SWT1: variants seen among roughly 807,000 people sequenced by gnomAD.
SWT1 encodes SWT1 RNA endoribonuclease homolog.
In SWT1, 33 loss-of-function variants were observed where a neutral mutation model predicts 107.3. The ratio of observed to expected loss-of-function variants is 0.31; its 90% CI spans 0.23 to 0.41. SWT1 has a LOEUF of 0.41. SWT1 is among the 10% of genes least tolerant of loss of function. The pLI is 1.00. For synonymous variants in SWT1, 345 were observed against 348.3 expected (o/e 0.99, Z 0.11); for missense variants, 898 against 1,028.9 (o/e 0.87, Z 1.74).
At chr1:185,278,422 C>T (rs976065813) in intron 18 of SWT1, among the ~76,000 whole-genome samples, 2 of 152,182 alleles carry the variant, frequency 1.3e-5, no homozygotes, top group Non-Finnish European at 2.9e-5. Context: ...GCCTCCAGAA[C>T]TGTGAGAAAT....
rs1443241187 is a variant in SWT1, at chr1:185,229,772, TTTAAA to T, written c.2310-1800_2310-1796del. 3.3e-5 allele frequency among the ~76,000 whole-genome samples: 5 copies of T among 152,294 alleles called. No homozygotes were observed. The South Asian group carries it at 6.2e-4, about 19-fold the overall frequency. Reference sequence around the variant, plus strand: ...CTCTTTTTACATTCTCTTTTTAGGCTTTAAATTAAGAAAATTTTTTTTAAATGTAA... The same window carrying T: ...CTCTTTTTACATTCTCTTTTTAGGCTTTAAGAAAATTTTTTTTAAATGTAA... On this transcript the variant is annotated intron_variant, in intron 15 of 18. Transcript: ENST00000367500.
In SWT1 at chr1:185,166,766, G is replaced by A. The variant is rs568796009; in HGVS notation, c.165+114G>A. The A allele has an allele frequency of 1.5e-5, 10 of 668,634 alleles. No individual in the cohort carries two copies. In the South Asian group the frequency reaches 2.2e-4, roughly 14 times the overall value. 41.4% of individuals were successfully genotyped at this position (668,634 alleles called of 1,614,324 possible). A position where few individuals can be genotyped will look rare whatever the true frequency, so the allele number is the denominator to read the frequency against. ...TGATAGCCAATAGAAAGTCAGTGTT[G>A]TTTTCTTTCTTCTACTCACCAAACC... On this transcript the variant is annotated intron_variant, in intron 3 of 18. Coordinates refer to ENST00000367500, the MANE Select transcript of SWT1 (RefSeq NM_017673.7).
At position 185,183,317 on chromosome 1, in the gene SWT1, C is replaced by T. The variant is rs1363057692; in HGVS notation, c.1139-926C>T. On this transcript the variant is annotated intron_variant, in intron 7 of 18. Coordinates refer to ENST00000367500, the MANE Select transcript of SWT1 (RefSeq NM_017673.7). ...TTCTTTTGTTTTTGTTTTTTTGAGA[C>T]GGAGTGTCCTTCTGTCATCCAGGCT... Among the ~76,000 whole-genome samples, 4 of 151,610 alleles carry T rather than the reference C, an allele frequency of 2.6e-5. No homozygotes were observed. In the South Asian group the frequency reaches 6.3e-4, roughly 24 times the overall value.
intron 2 of SWT1, among the ~76,000 whole-genome samples, chr1:185,163,770 C>G (rs942048624): frequency 6.6e-6 from 1 of 152,146 alleles, no homozygotes; most frequent in African/African-American, 2.4e-5. Flanking sequence ...AGTTCTCTTG[C>G]AGTTATTTTC....
intron 9 of SWT1, among the ~76,000 whole-genome samples, chr1:185,190,013 A>G (rs1022907997): frequency 6.6e-6 from 1 of 151,866 alleles, no homozygotes; most frequent in Non-Finnish European, 1.5e-5. Flanking sequence ...ATGCCTGGCT[A>G]ATTTTTGTAT....
At chr1:185,207,192 GT>G (rs1159493149) in intron 13 of SWT1, among the ~76,000 whole-genome samples, 1 of 152,158 alleles carries the variant, frequency 6.6e-6, no homozygotes, top group Non-Finnish European at 1.5e-5. Context: ...GTGTGTCAAG[GT>G]TTCTATTTAA....
intron 16 of SWT1, among the ~76,000 whole-genome samples, chr1:185,259,249 G>T (rs1662849246): frequency 6.6e-6 from 1 of 152,098 alleles, no homozygotes; most frequent in Non-Finnish European, 1.5e-5. Context: ...TTTAAAGACA[G>T]ACTGGCCTGG....
Position 185,164,625 on chromosome 1 carries a change from C to G in SWT1, c.85-1947C>G, listed in dbSNP as rs760359790. Among the ~76,000 whole-genome samples, 32 of 152,308 alleles carry G rather than the reference C, an allele frequency of 2.1e-4. No homozygotes were observed. The Middle Eastern group carries it at 0.02, about 97-fold the overall frequency. Reference sequence around the variant, plus strand: ...TTATGTTACAGAGATGGCTTCATTCCTTAAACCTCATGAACCAACCTCTCT... The same window carrying G: ...TTATGTTACAGAGATGGCTTCATTCGTTAAACCTCATGAACCAACCTCTCT... On this transcript the variant is annotated intron_variant, in intron 2 of 18. Coordinates refer to ENST00000367500, the MANE Select transcript of SWT1 (RefSeq NM_017673.7).
At chr1:185,172,507 T>G (rs999083255) in intron 4 of SWT1, among the ~76,000 whole-genome samples, 7 of 152,236 alleles carry the variant, frequency 4.6e-5, no homozygotes, top group Non-Finnish European at 7.3e-5. Flanking sequence ...CTATTATAAG[T>G]AATCCTGAAT....
intron 17 of SWT1, among the ~76,000 whole-genome samples, chr1:185,275,063 G>A (rs550502802): frequency 6.6e-6 from 1 of 152,218 alleles, no homozygotes; most frequent in African/African-American, 2.4e-5. Flanking sequence ...AGAGATAAAT[G>A]TAGATACTTA....
intron 5 of SWT1, among the ~76,000 whole-genome samples, chr1:185,175,832 T>C (rs1055161485): frequency 6.6e-6 from 1 of 152,180 alleles, no homozygotes; most frequent in Non-Finnish European, 1.5e-5. Flanking sequence ...TAAAATAGCT[T>C]GTAAGAGATA....
rs749781282 is a variant in SWT1 at position 185,290,845 on chromosome 1, G to A, written c.*42G>A. 7 of 1,556,880 alleles carry A rather than the reference G, an allele frequency of 4.5e-6. 1 individual carries two copies. The South Asian group carries it at 8.2e-5, about 18-fold the overall frequency. On this transcript the variant is annotated 3_prime_UTR_variant, in exon 19 of 19. Transcript: ENST00000367500. Reference sequence around the variant, plus strand: ...TTAAAGGAATTGCATTTGTCCTTAAGAATAACAGAGTAGTTTTCAATCTGG... The same window carrying A: ...TTAAAGGAATTGCATTTGTCCTTAAAAATAACAGAGTAGTTTTCAATCTGG...
chr1:185,272,575 G>A (rs1663947684), intron 17 of SWT1, among the ~76,000 whole-genome samples: 1 of 152,084 alleles, frequency 6.6e-6, no homozygotes, highest in African/African-American at 2.4e-5. Context: ...TTAAATGTTG[G>A]TTCTTCTACT....
intron 16 of SWT1, among the ~76,000 whole-genome samples, chr1:185,255,681 C>A (rs10911697): frequency 1.6e-5 from 2 of 122,374 alleles, no homozygotes; most frequent in East Asian, 5.2e-4. Flanking sequence ...TGTCTCTGCA[C>A]GTGAGATGGG....
intron 16 of SWT1, among the ~76,000 whole-genome samples, chr1:185,245,542 C>T (rs893801621): frequency 1.3e-5 from 2 of 151,988 alleles, no homozygotes; most frequent in Non-Finnish European, 2.9e-5. Context: ...ATAGTAAATA[C>T]AGAAAAGAAC....
In SWT1 at chr1:185,206,687, G is replaced by T; in HGVS notation, c.1896G>T (p.Trp632Cys). Residue 632 changes from tryptophan to cysteine, a missense_variant, in exon 13 of 19, where the codon TGG becomes TGT. By Grantham distance (215) the Trp-to-Cys change is radical. Transcript: ENST00000367500. ...LHLLQCFKKH[W>C]LAVFGLVMEK... The stretch of plus-strand genomic sequence containing the variant: ...TACTACAGTGCTTTAAAAAACATTG[G>T]TTGGCTGTATTTGGATTAGTTATGG... 6.2e-7 allele frequency: 1 copy of T among 1,608,828 alleles called. No homozygotes were observed. The highest frequency in any genetic ancestry group is 1.3e-5 in the African/African-American group (1 of 74,850).
chr1:185,287,985 A>T (rs1169769232), intron 18 of SWT1, among the ~76,000 whole-genome samples: 1 of 152,242 alleles, frequency 6.6e-6, no homozygotes, highest in Non-Finnish European at 1.5e-5. Flanking sequence ...AATAGATTCA[A>T]AAGTCTAGTT....
chr1:185,274,500 T>C (rs1664108872), intron 17 of SWT1, among the ~76,000 whole-genome samples: 1 of 151,958 alleles, frequency 6.6e-6, no homozygotes, highest in Non-Finnish European at 1.5e-5. Flanking sequence ...AGAATTGCTT[T>C]TCCTACATCA....
intron 15 of SWT1, chr1:185,227,188 A>G (rs1660133281): frequency 8.9e-6 from 8 of 903,814 alleles, no homozygotes; most frequent in South Asian, 7.8e-5. Flanking sequence ...GGGATAGACA[A>G]GCATCCATCC....
Sources: allele counts gnomAD v4.1 joint callset (sites outside exome capture counted in the v4.1 genomes callset), GRCh38; gene constraint gnomAD v4.1.1; transcripts MANE v1.5; gene names NCBI Gene and HGNC (gene_info 2026-07-23, HGNC 2026-07-21).